TBC1D16: variants seen among roughly 807,000 people sequenced by gnomAD.
TBC1D16 encodes the protein TBC1 domain family member 16, also known as CTD-2529O21.1.
Under a neutral mutation model 74.7 loss-of-function variants are expected in TBC1D16, and 58 were observed. The ratio of observed to expected loss-of-function variants is 0.78; its 90% CI spans 0.63 to 0.97. TBC1D16 has a LOEUF of 0.97. Among genes scored for constraint, TBC1D16 ranks in the 50% least tolerant of loss-of-function variants. The pLI is 0.00. For synonymous variants in TBC1D16, 493 were observed against 474.7 expected, an observed-to-expected ratio of 1.04 and a Z score of -0.50; for missense variants, 1,014 against 1,079.5, an observed-to-expected ratio of 0.94 and a Z score of 0.85.
chr17:79,970,841 AGT>A (rs1568599300), intron 3 of TBC1D16, among the ~76,000 whole-genome samples: 2 of 147,950 alleles, frequency 1.4e-5, no homozygotes, highest in African/African-American at 2.5e-5. Flanking sequence ...TACGAGTCCC[AGT>A]GCAAAAACAG....
At chr17:80,006,025 G>T (rs2035661556) in intron 3 of TBC1D16, among the ~76,000 whole-genome samples, 1 of 152,042 alleles carries the variant, frequency 6.6e-6, no homozygotes, top group African/African-American at 2.4e-5. Context: ...CTGCCCTCCG[G>T]GGGGACTCAA....
chr17:80,013,613 G>A lies in TBC1D16; in HGVS notation c.-62-4C>T, dbSNP rs1448606437. 2.1e-6 allele frequency: 3 copies of A among 1,429,390 alleles called. No individual in the cohort carries two copies. The highest frequency in any genetic ancestry group is 2.8e-6 in the Non-Finnish European group (3 of 1,080,716). 88.5% of individuals were successfully genotyped at this position (1,429,390 alleles called of 1,614,324 possible). On this transcript the variant is annotated splice_polypyrimidine_tract_variant and splice_region_variant and intron_variant, in intron 1 of 11. Coordinates refer to ENST00000310924, the MANE Select transcript of TBC1D16 (RefSeq NM_019020.4). The stretch of plus-strand genomic sequence containing the variant: ...GGCAGGGCTCGTCAAGACCTGCCTG[G>A]GGGAGGAAGAGAGAGGAGATGGTCA...
chr17:79,992,097 C>G (rs1433862676), intron 3 of TBC1D16: 3 of 152,336 alleles, frequency 2.0e-5, no homozygotes, highest in Non-Finnish European at 2.9e-5. Flanking sequence ...CGCTTTCCCC[C>G]TCGTGGACCC....
intron 3 of TBC1D16, among the ~76,000 whole-genome samples, chr17:79,982,179 C>T (rs1041476873): frequency 6.7e-6 from 1 of 148,320 alleles, no homozygotes; most frequent in Non-Finnish European, 1.5e-5. Context: ...CCGAGTCTCA[C>T]TCTATCACCC....
chr17:79,948,819 G>A (rs2032783908), intron 8 of TBC1D16, 53 bp downstream of exon 8: 2 of 1,611,754 alleles, frequency 1.2e-6, no homozygotes, highest in Admixed American at 3.3e-5. Flanking sequence ...AGAGCGGTCA[G>A]GTGAGGCTTG....
chr17:79,986,431 G>A lies in TBC1D16; in HGVS notation c.779+23729C>T, dbSNP rs144207063. 1.4e-3 allele frequency among the ~76,000 whole-genome samples: 217 copies of A among 152,324 alleles called. No homozygotes were observed. The highest frequency in any genetic ancestry group is 4.7e-3 in the African/African-American group (196 of 41,558). On this transcript the variant is annotated intron_variant, in intron 3 of 11. Coordinates refer to ENST00000310924, the MANE Select transcript of TBC1D16 (RefSeq NM_019020.4). This position sits in a 1 kb window ranked among gnomAD's most constrained non-coding sequence, Gnocchi z 6.0. ...AGAGTGGATTCCTCAGTGCAGTATC[G>A]TCAGCGTTGCAGTGGTGGGTAAGAG...
intron 4 of TBC1D16, among the ~76,000 whole-genome samples, 198 bp downstream of exon 4, chr17:79,952,459 C>T (rs543177238): frequency 6.6e-6 from 1 of 152,240 alleles, no homozygotes; most frequent in Non-Finnish European, 1.5e-5. Flanking sequence ...GTAGCTCACC[C>T]AGCCTGAGAA....
Position 79,950,492 on chromosome 17 carries a change from C to T in TBC1D16, c.1176G>A (p.Met392Ile). 6.2e-7 allele frequency: 1 copy of T among 1,613,342 alleles called. No individual in the cohort carries two copies. The highest frequency in any genetic ancestry group is 8.5e-7 in the Non-Finnish European group (1 of 1,179,890). ...PSSETHPEES[M>I]YKRLGVSAWL... ...AGGCGGAGACGCCGAGCCTCTTGTA[C>T]ATGCTCTCCTCGGGGTGCGTCTCGG... Residue 392 changes from methionine (M) to isoleucine (I), a missense_variant, in exon 6 of 12, where the codon ATG becomes ATA. By Grantham distance (10) the Met-to-Ile change is conservative. Transcript: ENST00000310924. The surrounding 1 kb of genome is among the most constrained non-coding windows in gnomAD (Gnocchi z 4.6).
Position 80,010,662 on chromosome 17 carries a change from C to T in TBC1D16, c.277G>A (p.Glu93Lys). The T allele has an allele frequency of 6.5e-7, 1 of 1,535,488 alleles. No individual in the cohort carries two copies. Among genetic ancestry groups the T allele is most frequent in the South Asian group, 1.3e-5 (1 of 77,956 alleles). ...PNSRIQRQDE[E>K]ALRYITPESS... ...TCGGGTGTGATGTAGCGCAGGGCCT[C>T]CTCGTCCTGCCTCTGGATGCGAGAG... Residue 93 changes from glutamate (E) to lysine (K), a missense_variant, in exon 3 of 12, where the codon GAG becomes AAG. Coordinates refer to ENST00000310924, the MANE Select transcript of TBC1D16 (RefSeq NM_019020.4). This position sits in a 1 kb window ranked among gnomAD's most constrained non-coding sequence, Gnocchi z 8.8.
chr17:80,015,188 G>T lies in TBC1D16; in HGVS notation c.-62-1579C>A, dbSNP rs375316395. Among the ~76,000 whole-genome samples the T allele has an allele frequency of 1.9e-4, 29 of 151,098 alleles. No homozygotes were observed. The East Asian group carries it at 4.8e-3, about 25-fold the overall frequency. ...CTCATGCCTGTAATCCAAGCACTTT[G>T]GGGGGCCGAGGCAGGTGGATCACCT... On this transcript the variant is annotated intron_variant, in intron 1 of 11. Coordinates refer to ENST00000310924, the MANE Select transcript of TBC1D16 (RefSeq NM_019020.4).
rs2032296775 is a variant in TBC1D16, at chr17:79,944,129, G to A, written c.1908+779C>T. 1 of 1,535,882 alleles carries A rather than the reference G, an allele frequency of 6.5e-7. No individual in the cohort carries two copies. The highest frequency in any genetic ancestry group is 8.7e-7 in the Non-Finnish European group (1 of 1,146,868). On this transcript the variant is annotated intron_variant, in intron 10 of 11. Coordinates refer to ENST00000310924, the MANE Select transcript of TBC1D16 (RefSeq NM_019020.4). The surrounding 1 kb of genome is among the most constrained non-coding windows in gnomAD (Gnocchi z 7.7). ...CCCCCTGCGGTGTGAGTGAGGACAG[G>A]AGACGCTGACGCAAATGTCTTCCAG...
intron 1 of TBC1D16, among the ~76,000 whole-genome samples, chr17:80,034,914 G>C (rs1345728952): frequency 6.6e-6 from 1 of 152,210 alleles, no homozygotes; most frequent in South Asian, 2.1e-4. Flanking sequence ...GAGCCTTCTG[G>C]TAGAAAAGAA....
chr17:79,978,679 A>T (rs1461944838), intron 3 of TBC1D16, among the ~76,000 whole-genome samples: 2 of 152,224 alleles, frequency 1.3e-5, no homozygotes, highest in Admixed American at 6.5e-5. Context: ...GTGACGACTT[A>T]GACTCAGGAC....
Position 80,010,382 on chromosome 17 carries a change from A to G in TBC1D16, c.557T>C (p.Ile186Thr), listed in dbSNP as rs747778979. The change falls in exon 3 of 12, where the codon ATC (isoleucine) becomes ACC (threonine). Residue 186 changes from isoleucine to threonine, a missense_variant. Coordinates refer to ENST00000310924, the MANE Select transcript of TBC1D16 (RefSeq NM_019020.4). This position sits in a 1 kb window ranked among gnomAD's most constrained non-coding sequence, Gnocchi z 8.8. ...ASQPACSPSG[I>T]LSTVSPQDVT... ...ATCCTGCGGACTGACCGTCGACAAGATCCCGGAGGGGCTGCAAGCAGGCTG... is the reference window on the plus strand; with the variant it reads ...ATCCTGCGGACTGACCGTCGACAAGGTCCCGGAGGGGCTGCAAGCAGGCTG... 1.2e-6 allele frequency: 2 copies of G among 1,611,976 alleles called. No individual in the cohort carries two copies. The highest frequency in any genetic ancestry group is 1.1e-5 in the South Asian group (1 of 90,830).
chr17:79,964,579 A>T (rs1313994371), intron 3 of TBC1D16, among the ~76,000 whole-genome samples: 1 of 152,142 alleles, frequency 6.6e-6, no homozygotes, highest in Non-Finnish European at 1.5e-5. Context: ...GATTGTGATG[A>T]CGGCTCCATG....
At chr17:79,977,685 C>T (rs1285057879) in intron 3 of TBC1D16, among the ~76,000 whole-genome samples, 11 of 152,380 alleles carry the variant, frequency 7.2e-5, no homozygotes, top group African/African-American at 2.2e-4. Flanking sequence ...TAACTGTTCC[C>T]AGCAAAACTG....
chr17:80,012,359 C>G (rs560642944), intron 2 of TBC1D16, among the ~76,000 whole-genome samples: 1 of 152,282 alleles, frequency 6.6e-6, no homozygotes, highest in African/African-American at 2.4e-5. Context: ...GAACCTGCAC[C>G]CCTTTCTAGG....
At chr17:80,033,154 A>T (rs1312071664) in intron 1 of TBC1D16, among the ~76,000 whole-genome samples, 2 of 152,190 alleles carry the variant, frequency 1.3e-5, no homozygotes, top group Non-Finnish European at 2.9e-5. Context: ...AATCCAAATA[A>T]CGGTCATTAA....
chr17:80,021,708 C>A (rs540842268), intron 1 of TBC1D16, among the ~76,000 whole-genome samples: 1 of 148,654 alleles, frequency 6.7e-6, no homozygotes, highest in Non-Finnish European at 1.5e-5. Context: ...ATCACAGACA[C>A]ACACACCACA....
Sources: gnomAD v4.1 joint callset for allele counts (sites outside exome capture counted in the v4.1 genomes callset) on GRCh38, gnomAD v4.1.1 for gene constraint, Gnocchi (gnomAD v3.1) non-coding constraint, MANE v1.5 for transcripts, NCBI Gene and HGNC (gene_info 2026-07-23, HGNC 2026-07-21) for gene names.